The following EIF4G1 variants were observed in gnomAD, a reference collection of about 807,000 sequenced individuals.
EIF4G1 encodes the protein eukaryotic translation initiation factor 4 gamma 1, also known as EIF4-gamma.
Under a neutral mutation model 187.8 loss-of-function variants are expected in EIF4G1, and 4 were observed. That is an observed-to-expected ratio of 0.02 (90% confidence interval 0.01 to 0.05). The LOEUF (loss-of-function observed/expected upper bound fraction) is 0.05. Ranked by LOEUF, EIF4G1 falls within the 10% of genes least tolerant of loss-of-function variation. The probability of loss-of-function intolerance (pLI) is 1.00; values close to 1 mark genes in which losing one functional copy is unlikely to be tolerated. For missense variants in EIF4G1, 1,647 were observed against 2,081.1 expected (o/e 0.79, Z 4.06); for synonymous variants, 844 against 781.4 (o/e 1.08, Z -1.34).
chr3:184,328,666 A>G lies in EIF4G1; in HGVS notation c.3989A>G (p.Glu1330Gly). Reference sequence around the variant, plus strand: ...ATCTTGGAATTGGCTGAGGACATGGAAATTGACATCCCCCACGTGTGGCTC... The same window carrying G: ...ATCTTGGAATTGGCTGAGGACATGGGAATTGACATCCCCCACGTGTGGCTC... ...YEILELAEDMEIDIPHVWLYL... is the reference protein window; with the variant it reads ...YEILELAEDMGIDIPHVWLYL... The change falls in exon 27 of 33, where the codon GAA becomes GGA. Residue 1330 changes from glutamate (E) to glycine (G), a missense_variant. Transcript: ENST00000346169. 1 of 1,614,174 alleles carries G rather than the reference A, an allele frequency of 6.2e-7. No homozygotes were observed. Among genetic ancestry groups the G allele is most frequent in the Non-Finnish European group, 8.5e-7 (1 of 1,180,026 alleles).
chr3:184,320,039 G>A (rs1360928608), intron 7 of EIF4G1, among the ~76,000 whole-genome samples: 8 of 152,200 alleles, frequency 5.3e-5, no homozygotes, highest in Admixed American at 3.3e-4. Context: ...CTGGGTGCTG[G>A]GGGGTTGGAA....
At position 184,321,431 on chromosome 3, in the gene EIF4G1, C is replaced by G. The variant is rs960905810; in HGVS notation, c.847C>G (p.Leu283Val). Residue 283 changes from leucine (L) to valine (V), a missense_variant, in exon 10 of 33, where the codon CTC (leucine) becomes GTC (valine). Transcript: ENST00000346169. ...GGGGTCTGAGCCTAATCTCGCAGTC[C>G]TCTCTATTCCTGGGGACACTATGAC... ...EPGSEPNLAV[L>V]SIPGDTMTTI... The G allele has an allele frequency of 6.2e-7, 1 of 1,614,122 alleles. No individual in the cohort carries two copies. Among genetic ancestry groups the G allele is most frequent in the Non-Finnish European group, 8.5e-7 (1 of 1,180,026 alleles).
At position 184,325,261 on chromosome 3, in the gene EIF4G1, C is replaced by T; in HGVS notation, c.2857-8C>T. 1.2e-6 allele frequency: 2 copies of T among 1,614,106 alleles called. No individual in the cohort carries two copies. The highest frequency in any genetic ancestry group is 1.7e-6 in the Non-Finnish European group (2 of 1,180,004). On this transcript the variant is annotated splice_polypyrimidine_tract_variant and splice_region_variant and intron_variant, in intron 18 of 32. Transcript: ENST00000346169. The surrounding 1 kb of genome is among the most constrained non-coding windows in gnomAD (Gnocchi z 5.2). ...AAGTTCCTGGTCTGATGCCTTTCTC[C>T]TTCCTAGCCCCGAATGGATCAGTAT...
chr3:184,320,160 C>G (rs1577199092), intron 7 of EIF4G1: 1 of 764,936 alleles, frequency 1.3e-6, no homozygotes, highest in Non-Finnish European at 1.8e-6. Context: ...CTCTCAAGGC[C>G]TCCGCCTCTG....
chr3:184,316,729 T>C, intron 4 of EIF4G1: 4 of 1,596,320 alleles, frequency 2.5e-6, no homozygotes, highest in Non-Finnish European at 3.4e-6. Flanking sequence ...TTCAGGTCTC[T>C]GCAGGTAATA....
At chr3:184,320,154 C>G in intron 7 of EIF4G1, 1 of 552,836 alleles carries the variant, frequency 1.8e-6, no homozygotes, top group Non-Finnish European at 2.7e-6. Context: ...TGGAAGCTCT[C>G]AAGGCCTCCG....
intron 8 of EIF4G1, 99 bp downstream of exon 8, chr3:184,320,821 C>G: frequency 1.2e-6 from 2 of 1,606,422 alleles, no homozygotes; most frequent in Non-Finnish European, 1.7e-6. Context: ...GGATTTATTT[C>G]CCTGCTTTCC....
Position 184,321,938 on chromosome 3 carries a change from G to A in EIF4G1, c.1354G>A (p.Ala452Thr). 6.2e-7 allele frequency: 1 copy of A among 1,614,156 alleles called. No homozygotes were observed. Among genetic ancestry groups the A allele is most frequent in the Non-Finnish European group, 8.5e-7 (1 of 1,180,030 alleles). ...TACGGCTCCTTCAGCTACTTCCCCA[G>A]CTCAGGAGGAGGAAATGGAAGAAGA... ...PATAPSATSP[A>T]QEEEMEEEEE... The change falls in exon 10 of 33, where the codon GCT becomes ACT. Residue 452 changes from alanine (A) to threonine (T), a missense_variant. Physicochemically the swap from Ala to Thr is moderately conservative, Grantham distance 58. Coordinates refer to ENST00000346169, the MANE Select transcript of EIF4G1 (RefSeq NM_198241.3).
In EIF4G1 at chr3:184,327,347, G is replaced by T. The variant is rs1395409512; in HGVS notation, c.3560G>T (p.Ser1187Ile). The T allele has an allele frequency of 6.2e-7, 1 of 1,613,772 alleles. No homozygotes were observed. Among genetic ancestry groups the T allele is most frequent in the East Asian group, 2.2e-5 (1 of 44,884 alleles). Residue 1187 changes from serine to isoleucine, a missense_variant, in exon 24 of 33, where the codon AGC (serine) becomes ATC (isoleucine). This residue lies in a region of EIF4G1 where 543 missense variants were observed against 638.0 expected (regional missense o/e 0.85). Transcript: ENST00000346169. ...ACACCTGCTACCAAGCGGAGCTTCA[G>T]CAAGGAAGTGGAGGAGCGGAGTAGA... ...ARTPATKRSF[S>I]KEVEERSRER...
At chr3:184,318,571 G>C (rs1723195046) in intron 6 of EIF4G1, among the ~76,000 whole-genome samples, 1 of 152,076 alleles carries the variant, frequency 6.6e-6, no homozygotes, top group Admixed American at 6.5e-5. Context: ...GGCCAACATA[G>C]TGAAGCTCCG....
chr3:184,316,697 C>T (rs765439938), intron 4 of EIF4G1: 35 of 1,594,526 alleles, frequency 2.2e-5, no homozygotes, highest in Non-Finnish European at 2.9e-5. Context: ...TCTTTCCTAT[C>T]CCCATGTGCT....
In EIF4G1 at chr3:184,327,257, G is replaced by T. The variant is rs1227644750; in HGVS notation, c.3470G>T (p.Arg1157Leu). The T allele has an allele frequency of 6.8e-6, 11 of 1,613,240 alleles. No individual in the cohort carries two copies. Among genetic ancestry groups the T allele is most frequent in the Non-Finnish European group, 9.3e-6 (11 of 1,180,064 alleles). Residue 1157 changes from arginine (R) to leucine (L), a missense_variant, in exon 24 of 33, where the codon CGA (arginine) becomes CTA (leucine). This residue lies in a region of EIF4G1 where 543 missense variants were observed against 638.0 expected (regional missense o/e 0.85). Coordinates refer to ENST00000346169, the MANE Select transcript of EIF4G1 (RefSeq NM_198241.3). ...GAACGAGGCGAGAAAGCTGGAGACCGAGGAGACCGCCTAGAGCGGAGTGAA... is the reference window on the plus strand; with the variant it reads ...GAACGAGGCGAGAAAGCTGGAGACCTAGGAGACCGCCTAGAGCGGAGTGAA... ...SRERGEKAGD[R>L]GDRLERSERG...
Position 184,331,826 on chromosome 3 carries a change from AGAT to A in EIF4G1, c.4477+19_4477+21del, listed in dbSNP as rs751317631. ...CAATTATTTGTAAGAGGAACCAGGGAGATGGAGGGGCAAGGGTGGGCCTGACAG... is the reference window on the plus strand; with the variant it reads ...CAATTATTTGTAAGAGGAACCAGGGAGGAGGGGCAAGGGTGGGCCTGACAG... On this transcript the variant is annotated intron_variant, in intron 31 of 32. Coordinates refer to ENST00000346169, the MANE Select transcript of EIF4G1 (RefSeq NM_198241.3). 2 of 1,613,960 alleles carry A rather than the reference AGAT, an allele frequency of 1.2e-6. No individual in the cohort carries two copies. Among genetic ancestry groups the A allele is most frequent in the Non-Finnish European group, 1.7e-6 (2 of 1,180,026 alleles).
chr3:184,317,416 C>T lies in EIF4G1; in HGVS notation c.243C>T (p.Tyr81=). ...GCCCTGGCCCAGCTGCCCATGTCTA[C>T]CCTGCTGGATCCCAAGTAATGATGA... ...PARPGPAAHV[Y]PAGSQVMMIP... is the part of the protein sequence containing the mutation. Residue 81 remains tyrosine, a synonymous_variant, in exon 5 of 33, where the codon TAC becomes TAT. Coordinates refer to ENST00000346169, the MANE Select transcript of EIF4G1 (RefSeq NM_198241.3). 1 of 1,614,126 alleles carries T rather than the reference C, an allele frequency of 6.2e-7. No individual in the cohort carries two copies. Among genetic ancestry groups the T allele is most frequent in the Non-Finnish European group, 8.5e-7 (1 of 1,180,028 alleles).
chr3:184,322,682 A>G lies in EIF4G1; in HGVS notation c.1747A>G (p.Asn583Asp). 6.2e-7 allele frequency: 1 copy of G among 1,614,230 alleles called. No individual in the cohort carries two copies. The highest frequency in any genetic ancestry group is 1.3e-5 in the African/African-American group (1 of 75,062). ...TWDSKEDKIH[N>D]AENIQPGEQK... ...GGACTCAAAGGAAGACAAAATTCAC[A>G]ATGCTGAGAACATCCAGCCCGGGGA... Residue 583 changes from asparagine (N) to aspartate (D), a missense_variant, in exon 12 of 33, where the codon AAT (asparagine) becomes GAT (aspartate). Asn to Asp is a conservative substitution (Grantham distance 23). Around this residue, in one of 11 missense-constraint regions of EIF4G1, gnomAD observed 522 missense variants for 485.2 expected, o/e 1.08. Coordinates refer to ENST00000346169, the MANE Select transcript of EIF4G1 (RefSeq NM_198241.3).
chr3:184,320,345 A>C, intron 7 of EIF4G1: 1 of 1,343,444 alleles, frequency 7.4e-7, no homozygotes, highest in Middle Eastern at 2.9e-4. Context: ...CAGGGTGTGC[A>C]GCCACTGACT....
intron 4 of EIF4G1, 61 bp downstream of exon 4, chr3:184,316,279 A>G: frequency 6.3e-7 from 1 of 1,596,748 alleles, no homozygotes; most frequent in Non-Finnish European, 8.5e-7. Context: ...AGCTTTGGCC[A>G]GTTTAGGTCT....
Position 184,335,084 on chromosome 3 carries a change from TC to T in EIF4G1, c.*178del. On this transcript the variant is annotated 3_prime_UTR_variant, in exon 33 of 33. Transcript: ENST00000346169. Reference sequence around the variant, plus strand: ...TGGCTTGGGGCTGCCTGGGCCCCCCTCCAGGATGCCGCCAGGTGTCCCTCTC... The same window carrying T: ...TGGCTTGGGGCTGCCTGGGCCCCCCTCAGGATGCCGCCAGGTGTCCCTCTC... The T allele has an allele frequency of 1.3e-6, 1 of 777,290 alleles. No homozygotes were observed. The highest frequency in any genetic ancestry group is 2.1e-6 in the Non-Finnish European group (1 of 482,826). 48.1% of individuals were successfully genotyped at this position (777,290 alleles called of 1,614,324 possible). A position where few individuals can be genotyped will look rare whatever the true frequency, so the allele number is the denominator to read the frequency against.
Position 184,335,082 on chromosome 3 carries a change from C to A in EIF4G1, c.*174C>A. On this transcript the variant is annotated 3_prime_UTR_variant, in exon 33 of 33. Transcript: ENST00000346169. ...GATGGCTTGGGGCTGCCTGGGCCCC[C>A]CTCCAGGATGCCGCCAGGTGTCCCT... is the stretch of plus-strand genomic sequence containing the variant. The A allele has an allele frequency of 1.2e-6, 1 of 801,514 alleles. No homozygotes were observed. The highest frequency in any genetic ancestry group is 2.0e-6 in the Non-Finnish European group (1 of 504,518). 49.7% of individuals were successfully genotyped at this position (801,514 alleles called of 1,614,324 possible).
Sources: gnomAD v4.1 joint callset for allele counts (sites outside exome capture counted in the v4.1 genomes callset) on GRCh38, gnomAD v4.1.1 for gene constraint, gnomAD v4.1.1 regional missense constraint, Gnocchi (gnomAD v3.1) non-coding constraint, MANE v1.5 for transcripts, NCBI Gene and HGNC (gene_info 2026-07-23, HGNC 2026-07-21) for gene names.